The following DLG2 variants were observed in gnomAD, a reference collection of about 807,000 sequenced individuals.
The protein encoded by DLG2 is discs large MAGUK scaffold protein 2, also known as disks large homolog 2.
In DLG2, 45 loss-of-function variants were observed where a neutral mutation model predicts 132.5. The observed-to-expected ratio is 0.34, with a 90% CI of 0.27 to 0.44. The LOEUF is 0.44. Ranked by LOEUF, DLG2 falls within the 20% of genes least tolerant of loss-of-function variation. The pLI is 1.00. For synonymous variants in DLG2, 424 were observed against 419.6 expected (o/e 1.01, Z -0.13); for missense variants, 1,045 against 1,196.9 (o/e 0.87, Z 1.87).
chr11:84,236,295 A>T (rs550406132), intron 8 of DLG2, among the ~76,000 whole-genome samples: 1 of 152,264 alleles, frequency 6.6e-6, no homozygotes, highest in African/African-American at 2.4e-5. Flanking sequence ...TGCAATAGAC[A>T]TTCAAAGACA....
intron 4 of DLG2, among the ~76,000 whole-genome samples, chr11:85,234,481 C>A (rs117453129): frequency 6.6e-6 from 1 of 151,902 alleles, no homozygotes; most frequent in Admixed American, 6.6e-5. Flanking sequence ...GGAACTGCTA[C>A]GTCAAATAGT....
chr11:83,803,820 C>A (rs898922485), intron 17 of DLG2, among the ~76,000 whole-genome samples: 1 of 152,064 alleles, frequency 6.6e-6, no homozygotes, highest in Non-Finnish European at 1.5e-5. Flanking sequence ...ACAGTCCACT[C>A]CTAAAACATC....
chr11:85,345,098 G>A (rs529022354), intron 3 of DLG2, among the ~76,000 whole-genome samples: 1 of 152,180 alleles, frequency 6.6e-6, no homozygotes, highest in Admixed American at 6.5e-5. Flanking sequence ...AGCACATTGA[G>A]GGTTGAAGTA....
chr11:84,009,852 T>C (rs772255079), intron 11 of DLG2, among the ~76,000 whole-genome samples: 9 of 152,124 alleles, frequency 5.9e-5, no homozygotes, highest in Non-Finnish European at 8.8e-5. Flanking sequence ...GCAGGTATTA[T>C]AACATTTTAC....
intron 6 of DLG2, among the ~76,000 whole-genome samples, chr11:84,611,627 C>A (rs2099595771): frequency 1.3e-5 from 2 of 152,112 alleles, no homozygotes; most frequent in African/African-American, 4.8e-5. Context: ...TAATTAAAAT[C>A]ATTTTTTTAA....
chr11:84,987,903 A>G (rs1009961204), intron 6 of DLG2, among the ~76,000 whole-genome samples: 1 of 152,220 alleles, frequency 6.6e-6, no homozygotes, highest in Non-Finnish European at 1.5e-5. Flanking sequence ...TGCAATAAAA[A>G]CAAAGATAAA....
At chr11:84,937,766 AG>A (rs1355518257) in intron 6 of DLG2, among the ~76,000 whole-genome samples, 1 of 152,232 alleles carries the variant, frequency 6.6e-6, no homozygotes, top group East Asian at 1.9e-4. Context: ...GAAATTTGAT[AG>A]GACTTCAAAG....
intron 7 of DLG2, among the ~76,000 whole-genome samples, chr11:84,335,827 C>T (rs2098482139): frequency 6.6e-6 from 1 of 152,096 alleles, no homozygotes; most frequent in Non-Finnish European, 1.5e-5. Context: ...GAACTTGGCA[C>T]CATGCCTATC....
chr11:85,163,206 T>TACACACACACAC (rs776985320), intron 4 of DLG2, among the ~76,000 whole-genome samples: 28 of 148,276 alleles, frequency 1.9e-4, no homozygotes, highest in African/African-American at 5.2e-4. Context: ...TTATATATAT[T>TACACACACACAC]ACACACACAC....
Position 84,251,270 on chromosome 11 carries a change from C to G in DLG2, c.541G>C (p.Val181Leu). 1 of 1,588,532 alleles carries G rather than the reference C, an allele frequency of 6.3e-7. No individual in the cohort carries two copies. Among genetic ancestry groups the G allele is most frequent in the Non-Finnish European group, 8.5e-7 (1 of 1,169,994 alleles). Residue 181 changes from valine to leucine, a missense_variant, in exon 8 of 28, where the codon GTC becomes CTC. Around this residue, in one of 4 missense-constraint regions of DLG2, gnomAD observed 277 missense variants for 238.2 expected, o/e 1.16. Transcript: ENST00000376104. The stretch of plus-strand genomic sequence containing the variant: ...ATTGTGTCCAAAGTATCTGTGTTGA[C>G]AATTATAGGAGCAGGACTGGCCTGA... ...PLKASPAPIIVNTDTLDTIPY... is the reference protein window; with the variant it reads ...PLKASPAPIILNTDTLDTIPY...
Position 84,080,064 on chromosome 11 carries a change from G to T in DLG2, c.749+18859C>A, listed in dbSNP as rs927061148. 8.5e-5 allele frequency among the ~76,000 whole-genome samples: 13 copies of T among 152,072 alleles called. 1 individual carries two copies. Among genetic ancestry groups the T allele is most frequent in the African/African-American group, 2.9e-4 (12 of 41,406 alleles). ...AGAACTCCTTTTAACTCTCAACTTA[G>T]GTTGATTACCGTGTTGGGTTGAGAG... On this transcript the variant is annotated intron_variant, in intron 10 of 27. Transcript: ENST00000376104.
At chr11:84,130,663 C>T (rs1229348199) in intron 9 of DLG2, among the ~76,000 whole-genome samples, 2 of 151,648 alleles carry the variant, frequency 1.3e-5, no homozygotes, top group African/African-American at 4.8e-5. Context: ...TGTATTACTG[C>T]TTCTTTAGTA....
rs150134913 is a variant in DLG2, at chr11:84,070,217, G to C, written c.750-10733C>G. Among the ~76,000 whole-genome samples, 9 of 152,290 alleles carry C rather than the reference G, an allele frequency of 5.9e-5. No homozygotes were observed. The East Asian group carries it at 1.7e-3, about 29-fold the overall frequency. On this transcript the variant is annotated intron_variant, in intron 10 of 27. Transcript: ENST00000376104. ...CACATAAGAAAAAATTAGCATCATT[G>C]TATGACTTCTAAACCAACCCCCTTT...
Position 84,740,094 on chromosome 11 carries a change from T to C in DLG2, c.358-205363A>G, listed in dbSNP as rs143729277. On this transcript the variant is annotated intron_variant, in intron 6 of 27. Coordinates refer to ENST00000376104, the MANE Select transcript of DLG2 (RefSeq NM_001142699.3). ...ATTAGTTTCCATGGCATCCACTAGA[T>C]AAAAGAAGGAAGGTTGCAAGAAAGG... Among the ~76,000 whole-genome samples, 334 of 151,282 alleles carry C rather than the reference T, an allele frequency of 2.2e-3. 5 individuals carry two copies. The highest frequency in any genetic ancestry group is 7.4e-3 in the African/African-American group (306 of 41,182).
intron 8 of DLG2, among the ~76,000 whole-genome samples, chr11:84,228,098 C>G (rs890131324): frequency 1.3e-5 from 2 of 152,138 alleles, no homozygotes; most frequent in African/African-American, 4.8e-5. Context: ...TCTGACTCAT[C>G]TGGTTGCATC....
chr11:83,657,741 C>T (rs921445087), intron 18 of DLG2, among the ~76,000 whole-genome samples: 9 of 151,884 alleles, frequency 5.9e-5, no homozygotes, highest in South Asian at 2.1e-4. Context: ...GGGGTTTCAC[C>T]GCATTAGCCA....
At chr11:84,546,694 T>G in intron 6 of DLG2, 1 of 520,506 alleles carries the variant, frequency 1.9e-6, no homozygotes, top group Admixed American at 2.3e-5. Context: ...GAGCAATTGG[T>G]GTTTGGATAT....
chr11:84,360,791 T>G (rs1158913154), intron 7 of DLG2, among the ~76,000 whole-genome samples: 1 of 151,558 alleles, frequency 6.6e-6, no homozygotes, highest in Non-Finnish European at 1.5e-5. Flanking sequence ...AGGAAAAAAA[T>G]GAATTAATAG....
intron 3 of DLG2, among the ~76,000 whole-genome samples, chr11:85,508,144 G>GT: frequency 6.6e-6 from 1 of 152,166 alleles, no homozygotes; most frequent in South Asian, 2.1e-4. Flanking sequence ...TTTGCAATGG[G>GT]TTCAAATATC....
Sources: gnomAD v4.1 joint callset for allele counts (sites outside exome capture counted in the v4.1 genomes callset) on GRCh38, gnomAD v4.1.1 for gene constraint, gnomAD v4.1.1 regional missense constraint, MANE v1.5 for transcripts, NCBI Gene and HGNC (gene_info 2026-07-23, HGNC 2026-07-21) for gene names.